Variants in CDH4 observed in about 807,000 individuals in gnomAD.
CDH4 encodes the protein cadherin-4.
A neutral mutation model predicts 86.0 loss-of-function variants in CDH4; 33 were observed. The observed-to-expected ratio is 0.38, with a 90% CI of 0.29 to 0.51. The LOEUF is 0.51. CDH4 is among the 20% of genes least tolerant of loss of function. CDH4 has a pLI of 0.86. For synonymous variants in CDH4, 555 were observed against 549.4 expected, an observed-to-expected ratio of 1.01 and a Z score of -0.14; for missense variants, 1,114 against 1,307.4, an observed-to-expected ratio of 0.85 and a Z score of 2.28.
intron 6 of CDH4, 97 bp from the exon 7 acceptor site, chr20:61,873,631 G>A (rs937867205): frequency 1.3e-5 from 17 of 1,346,512 alleles, no homozygotes; most frequent in Admixed American, 7.7e-5. Context: ...CCAGACTCAC[G>A]GAGAGCTCTG....
At chr20:61,597,083 C>A (rs549359282) in intron 2 of CDH4, among the ~76,000 whole-genome samples, 6 of 152,364 alleles carry the variant, frequency 3.9e-5, no homozygotes, top group African/African-American at 1.4e-4. Context: ...AACTAAATGT[C>A]AGATCATCTG....
chr20:61,441,926 C>T (rs2085316825), intron 2 of CDH4, among the ~76,000 whole-genome samples: 1 of 152,156 alleles, frequency 6.6e-6, no homozygotes, highest in African/African-American at 2.4e-5. Context: ...CCCTTCTTTA[C>T]TAACAGGACA....
chr20:61,361,009 G>C (rs1281642121), intron 2 of CDH4, among the ~76,000 whole-genome samples: 1 of 152,014 alleles, frequency 6.6e-6, no homozygotes, highest in Non-Finnish European at 1.5e-5. Context: ...TTTCCAAAAA[G>C]GGGATGCCCT....
intron 4 of CDH4, among the ~76,000 whole-genome samples, chr20:61,803,095 C>T (rs562964583): frequency 6.6e-6 from 1 of 152,362 alleles, no homozygotes; most frequent in East Asian, 1.9e-4. Context: ...GCCTGTAGAG[C>T]GGCCAGCCCT....
chr20:61,565,261 TGG>T (rs2086274650), intron 2 of CDH4, among the ~76,000 whole-genome samples: 2 of 80,354 alleles, frequency 2.5e-5, no homozygotes, highest in Non-Finnish European at 2.7e-5. Context: ...TTGGTGATGG[TGG>T]TGGTGGTCCT....
At chr20:61,565,545 A>G (rs1247035430) in intron 2 of CDH4, among the ~76,000 whole-genome samples, 1 of 152,016 alleles carries the variant, frequency 6.6e-6, no homozygotes, top group African/African-American at 2.4e-5. Context: ...TAGGTGTCCC[A>G]CTTGCACACC....
intron 6 of CDH4, among the ~76,000 whole-genome samples, chr20:61,862,225 C>G (rs1235758382): frequency 6.6e-6 from 1 of 152,192 alleles, no homozygotes; most frequent in Non-Finnish European, 1.5e-5. Flanking sequence ...CTGTTGGTCT[C>G]CACCACCGGG....
At chr20:61,610,651 G>C (rs945372273) in intron 2 of CDH4, among the ~76,000 whole-genome samples, 11 of 152,084 alleles carry the variant, frequency 7.2e-5, no homozygotes, top group African/African-American at 2.7e-4. Flanking sequence ...CTGCCTCCTT[G>C]CCGGCAGGAT....
chr20:61,368,727 G>A (rs2084823771), intron 2 of CDH4, among the ~76,000 whole-genome samples: 1 of 151,956 alleles, frequency 6.6e-6, no homozygotes, highest in Admixed American at 6.6e-5. Context: ...ATGTTGCCCA[G>A]GCTGGTCTTG....
rs867587179 is a variant in CDH4 at position 61,547,857 on chromosome 20, C to T, written c.170-195706C>T. Among the ~76,000 whole-genome samples, 15 of 152,322 alleles carry T rather than the reference C, an allele frequency of 9.8e-5. No homozygotes were observed. In the South Asian group the frequency reaches 1.9e-3, roughly 19 times the overall value. The stretch of plus-strand genomic sequence containing the variant: ...CACGCACATATGTGTAAAGCGGCAC[C>T]GCGTGGGGCTGGCAGAGCGACTGTA... On this transcript the variant is annotated intron_variant, in intron 2 of 15. Transcript: ENST00000614565.
chr20:61,696,683 C>T (rs1373556255), intron 2 of CDH4, among the ~76,000 whole-genome samples: 1 of 152,166 alleles, frequency 6.6e-6, no homozygotes, highest in Non-Finnish European at 1.5e-5. Context: ...CTGCCCTGGC[C>T]CAGGGCTCTA....
At chr20:61,866,064 C>T (rs1983534106) in intron 6 of CDH4, among the ~76,000 whole-genome samples, 2 of 152,150 alleles carry the variant, frequency 1.3e-5, no homozygotes, top group African/African-American at 4.8e-5. Context: ...ATCAAGGGAC[C>T]GAAGTTTCCT....
At chr20:61,428,805 A>G (rs1396763133) in intron 2 of CDH4, among the ~76,000 whole-genome samples, 1 of 152,190 alleles carries the variant, frequency 6.6e-6, no homozygotes, top group African/African-American at 2.4e-5. Flanking sequence ...TATAGATTTT[A>G]ACTAAGTCGA....
At chr20:61,775,470 A>G (rs931949686) in intron 4 of CDH4, among the ~76,000 whole-genome samples, 1 of 152,212 alleles carries the variant, frequency 6.6e-6, no homozygotes, top group African/African-American at 2.4e-5. Context: ...TAAATATTCT[A>G]GGCATTGTGA....
chr20:61,687,366 TC>T (rs1306891076), intron 2 of CDH4, among the ~76,000 whole-genome samples: 2 of 152,172 alleles, frequency 1.3e-5, no homozygotes, highest in Admixed American at 1.3e-4. Flanking sequence ...CCGTCTGTAC[TC>T]GGAGGCAGCG....
At chr20:61,758,742 C>T (rs2088596174) in intron 3 of CDH4, among the ~76,000 whole-genome samples, 1 of 152,224 alleles carries the variant, frequency 6.6e-6, no homozygotes. Flanking sequence ...CAAGACTTGG[C>T]CTCCTGACGG....
chr20:61,829,486 A>G lies in CDH4; in HGVS notation c.577-15182A>G, dbSNP rs1007793257. 6.6e-6 allele frequency among the ~76,000 whole-genome samples: 1 copy of G among 152,038 alleles called. No homozygotes were observed. Among genetic ancestry groups the G allele is most frequent in the Non-Finnish European group, 1.5e-5 (1 of 67,988 alleles). ...TGTGTGCAAGGCTTTCTGTGGACAG[A>G]TGTTGATTCTTAGGGTGTCTGCCCA... On this transcript the variant is annotated intron_variant, in intron 4 of 15. Transcript: ENST00000614565. This position sits in a 1 kb window ranked among gnomAD's most constrained non-coding sequence, Gnocchi z 4.2.
In CDH4 at chr20:61,659,755, G is replaced by C. The variant is rs141847690; in HGVS notation, c.170-83808G>C. On this transcript the variant is annotated intron_variant, in intron 2 of 15. Transcript: ENST00000614565. ...AGGAGGGTGGGCCTCAGCCATCTGA[G>C]GCTTGGAGGCAGGAGGAGGGGTGGG... Among the ~76,000 whole-genome samples, 365 of 152,282 alleles carry C rather than the reference G, an allele frequency of 2.4e-3. 2 individuals carry two copies. Among genetic ancestry groups the C allele is most frequent in the African/African-American group, 6.8e-3 (284 of 41,548 alleles).
chr20:61,359,045 A>G (rs558626045), intron 2 of CDH4, among the ~76,000 whole-genome samples: 1 of 152,162 alleles, frequency 6.6e-6, no homozygotes, highest in East Asian at 1.9e-4. Context: ...ATGTGGAGAG[A>G]GCCAGGCAGA....
Sources: gnomAD v4.1 joint callset for allele counts (sites outside exome capture counted in the v4.1 genomes callset) on GRCh38, gnomAD v4.1.1 for gene constraint, Gnocchi (gnomAD v3.1) non-coding constraint, MANE v1.5 for transcripts, NCBI Gene and HGNC (gene_info 2026-07-23, HGNC 2026-07-21) for gene names.